The following NRG1 variants were observed in gnomAD, a reference collection of about 807,000 sequenced individuals.
NRG1 encodes neuregulin 1.
NRG1 carries 18 observed loss-of-function variants against 63.8 expected under a neutral mutation model. The observed-to-expected ratio is 0.28, with a 90% CI of 0.19 to 0.42. The LOEUF (loss-of-function observed/expected upper bound fraction) is 0.42, where lower values mean the gene tolerates loss of function less well. NRG1 is among the 10% of genes least tolerant of loss of function. The pLI is 1.00. For missense variants in NRG1, 762 were observed against 814.7 expected (o/e 0.94, Z 0.79); for synonymous variants, 302 against 301.3 (o/e 1.00, Z -0.02).
chr8:31,770,910 G>A (rs1323969561), intron 1 of NRG1, among the ~76,000 whole-genome samples: 2 of 151,822 alleles, frequency 1.3e-5, no homozygotes, highest in African/African-American at 4.8e-5. Flanking sequence ...ATCATGGAAA[G>A]CATATAACGT....
chr8:32,364,249 A>C (rs1280739940), intron 1 of NRG1, among the ~76,000 whole-genome samples: 3 of 152,020 alleles, frequency 2.0e-5, no homozygotes, highest in African/African-American at 7.2e-5. Context: ...TAGTTAATTC[A>C]TGCAACTTGC....
chr8:32,232,232 A>T lies in NRG1; in HGVS notation c.38-363596A>T, dbSNP rs567208753. On this transcript the variant is annotated intron_variant, in intron 1 of 10. Transcript: ENST00000519301. ...AAATTTATTTTTCAAAAACTTGATGATTCAAATCATTGAAGATGCTCTTAT... is the reference window on the plus strand; with the variant it reads ...AAATTTATTTTTCAAAAACTTGATGTTTCAAATCATTGAAGATGCTCTTAT... Among the ~76,000 whole-genome samples, 759 of 152,266 alleles carry T rather than the reference A, an allele frequency of 5.0e-3. 9 individuals carry two copies. The highest frequency in any genetic ancestry group is 6.8e-3 in the Middle Eastern group (2 of 292).
At chr8:32,218,577 A>G (rs1845487438) in intron 1 of NRG1, among the ~76,000 whole-genome samples, 1 of 152,226 alleles carries the variant, frequency 6.6e-6, no homozygotes, top group African/African-American at 2.4e-5. Flanking sequence ...GCAGTCCACA[A>G]AAAATGACAT....
chr8:32,605,563 A>G, exon 3 of NRG1: 1 of 1,613,118 alleles, frequency 6.2e-7, no homozygotes, highest in Non-Finnish European at 8.5e-7. Context: ...ATCTTATAGG[A>G]AGTCAGAACT....
chr8:32,369,699 T>G (rs1238491837), intron 1 of NRG1, among the ~76,000 whole-genome samples: 1 of 152,224 alleles, frequency 6.6e-6, no homozygotes, highest in African/African-American at 2.4e-5. Context: ...TCAATGTAAC[T>G]TTTTATTTAA....
intron 5 of NRG1, among the ~76,000 whole-genome samples, chr8:32,695,160 T>A: frequency 6.6e-6 from 1 of 151,954 alleles, no homozygotes; most frequent in East Asian, 1.9e-4. Flanking sequence ...TTTGAGATCA[T>A]CCTAGGCAAC....
rs143455615 is a variant in NRG1 at position 32,694,341 on chromosome 8, A to T, written c.503-33608A>T. On this transcript the variant is annotated intron_variant, in intron 5 of 11. Coordinates refer to ENST00000356819, the Ensembl canonical transcript of NRG1. The stretch of plus-strand genomic sequence containing the variant: ...CTTTTTTCCCATAGATAAGTGTTCC[A>T]ATTTAAGTGTGTTTTCCTTTCCAGA... Among the ~76,000 whole-genome samples, 601 of 152,228 alleles carry T rather than the reference A, an allele frequency of 3.9e-3. 5 individuals are homozygous for T. The highest frequency in any genetic ancestry group is 0.014 in the African/African-American group (564 of 41,540).
At chr8:31,676,894 C>A (rs548098064) in intron 1 of NRG1, among the ~76,000 whole-genome samples, 9 of 152,258 alleles carry the variant, frequency 5.9e-5, no homozygotes, top group Admixed American at 5.2e-4. Flanking sequence ...GTAATGCATA[C>A]AAAGTGTCTC....
intron 5 of NRG1, among the ~76,000 whole-genome samples, chr8:32,725,149 T>G (rs3757929): frequency 0.11 from 17,270 of 151,926 alleles, 1,057 homozygotes; most frequent in African/African-American, 0.13. Context: ...TGGGGGGGAG[T>G]TGGAATGTTG....
intron 1 of NRG1, among the ~76,000 whole-genome samples, chr8:31,995,508 C>A (rs1389074590): frequency 6.6e-6 from 1 of 151,838 alleles, no homozygotes; most frequent in Non-Finnish European, 1.5e-5. Flanking sequence ...GTTAGAACAC[C>A]CGGAGTCAGC....
At chr8:31,707,135 AATCTCCT>A (rs1309708817) in intron 1 of NRG1, among the ~76,000 whole-genome samples, 6 of 152,034 alleles carry the variant, frequency 3.9e-5, no homozygotes, top group African/African-American at 1.4e-4. Flanking sequence ...TTATAAAGGA[AATCTCCT>A]GGGATTTTTT....
chr8:32,282,581 C>A (rs914513809), intron 1 of NRG1, among the ~76,000 whole-genome samples: 1 of 152,138 alleles, frequency 6.6e-6, no homozygotes, highest in Non-Finnish European at 1.5e-5. Flanking sequence ...CATTCAGAGC[C>A]GCTGTTCTCA....
rs186925948 is a variant in NRG1 at position 32,365,172 on chromosome 8, G to A, written c.38-230656G>A. Among the ~76,000 whole-genome samples the A allele has an allele frequency of 1.2e-3, 181 of 152,200 alleles. 1 individual carries two copies. The highest frequency in any genetic ancestry group is 4.3e-3 in the African/African-American group (178 of 41,542). ...TAAAGTGCTGGAATTACAGGCGAGA[G>A]CCAACTTGCCCAGCCCTGTATTTCC... On this transcript the variant is annotated intron_variant, in intron 1 of 10. Coordinates refer to the NRG1 transcript ENST00000519301.
chr8:32,024,322 CAG>C (rs1199981101), intron 1 of NRG1, among the ~76,000 whole-genome samples: 1 of 152,156 alleles, frequency 6.6e-6, no homozygotes, highest in Non-Finnish European at 1.5e-5. Context: ...TTCAAGAAAA[CAG>C]ATGAAAATGA....
At chr8:31,757,555 G>GA (rs1817096387) in intron 1 of NRG1, among the ~76,000 whole-genome samples, 1 of 152,016 alleles carries the variant, frequency 6.6e-6, no homozygotes, top group African/African-American at 2.4e-5. Flanking sequence ...GGGCAGCCTA[G>GA]AAAAATGCCA....
At chr8:32,113,589 C>T (rs1220633638) in intron 1 of NRG1, among the ~76,000 whole-genome samples, 3 of 152,156 alleles carry the variant, frequency 2.0e-5, no homozygotes, top group Non-Finnish European at 4.4e-5. Context: ...AACTAGTTCC[C>T]CTTATTAACT....
intron 1 of NRG1, among the ~76,000 whole-genome samples, chr8:32,147,101 G>C (rs1165173466): frequency 6.6e-6 from 1 of 152,126 alleles, no homozygotes. Context: ...CAGTATCCAA[G>C]ATTGGAAAGA....
chr8:31,950,046 T>C (rs528861029), intron 1 of NRG1, among the ~76,000 whole-genome samples: 1 of 152,332 alleles, frequency 6.6e-6, no homozygotes, highest in African/African-American at 2.4e-5. Flanking sequence ...CACCCTGCTG[T>C]CACCCCTTAG....
At chr8:32,019,328 G>A (rs186576433) in intron 1 of NRG1, among the ~76,000 whole-genome samples, 103 of 152,318 alleles carry the variant, frequency 6.8e-4, no homozygotes, top group African/African-American at 2.3e-3. Context: ...TCAATCTCCT[G>A]ACATCATGAT....
Sources: allele counts gnomAD v4.1 joint callset (sites outside exome capture counted in the v4.1 genomes callset), GRCh38; gene constraint gnomAD v4.1.1; transcripts MANE v1.5; gene names NCBI Gene and HGNC (gene_info 2026-07-23, HGNC 2026-07-21).